The following REC114 variants were observed in gnomAD, a reference collection of about 807,000 sequenced individuals.
REC114 encodes meiotic recombination protein REC114.
REC114 carries 27 observed loss-of-function variants against 31.3 expected under a neutral mutation model. The ratio of observed to expected loss-of-function variants is 0.86; its 90% CI spans 0.64 to 1.19. The LOEUF is 1.19. REC114 is among the 50% of genes most tolerant of loss of function. The probability of loss-of-function intolerance (pLI) is 0.00; values close to 1 mark genes in which losing one functional copy is unlikely to be tolerated. For synonymous variants in REC114, 134 were observed against 127.7 expected, an observed-to-expected ratio of 1.05 and a Z score of -0.33; for missense variants, 344 against 326.9, an observed-to-expected ratio of 1.05 and a Z score of -0.40.
intron 2 of REC114, among the ~76,000 whole-genome samples, chr15:73,514,433 C>A (rs753907123): frequency 5.3e-5 from 8 of 151,992 alleles, no homozygotes; most frequent in Non-Finnish European, 7.4e-5. Context: ...AGCTGTAGAC[C>A]GGAGCTGTTC....
At chr15:73,543,517 C>T (rs539812950) in intron 3 of REC114, among the ~76,000 whole-genome samples, 14 of 152,068 alleles carry the variant, frequency 9.2e-5, no homozygotes, top group South Asian at 2.1e-4. Context: ...TTAGGAGAGA[C>T]GGGGTTTCTC....
At chr15:73,538,678 G>A (rs1034573438) in intron 2 of REC114, among the ~76,000 whole-genome samples, 8 of 151,782 alleles carry the variant, frequency 5.3e-5, no homozygotes, top group Non-Finnish European at 1.0e-4. Context: ...AGATGGTCTC[G>A]ATCTCTGACC....
At chr15:73,514,611 A>G (rs913745468) in intron 2 of REC114, among the ~76,000 whole-genome samples, 20 of 152,232 alleles carry the variant, frequency 1.3e-4, no homozygotes, top group Non-Finnish European at 2.9e-4. Flanking sequence ...GGAAGTATTC[A>G]TAATGGGCAA....
Position 73,556,301 on chromosome 15 carries a change from G to C in REC114, c.547-1G>C, listed in dbSNP as rs1220561098. 6.2e-7 allele frequency: 1 copy of C among 1,612,734 alleles called. No homozygotes were observed. Among genetic ancestry groups the C allele is most frequent in the Admixed American group, 1.7e-5 (1 of 59,796 alleles). ...CCTTATTGCATGTTGTTTTATTCCAGTCCCACCAGCACTCAGAACAACAGC... is the reference window on the plus strand; with the variant it reads ...CCTTATTGCATGTTGTTTTATTCCACTCCCACCAGCACTCAGAACAACAGC... On this transcript the variant is annotated splice_acceptor_variant, in intron 4 of 5. Transcript: ENST00000331090. LOFTEE classifies it high-confidence loss of function.
chr15:73,476,190 T>C (rs1387421555), intron 2 of REC114, among the ~76,000 whole-genome samples: 1 of 152,250 alleles, frequency 6.6e-6, no homozygotes, highest in Non-Finnish European at 1.5e-5. Flanking sequence ...TATACATATA[T>C]AACTTAAATA....
intron 2 of REC114, among the ~76,000 whole-genome samples, chr15:73,513,872 T>G (rs1255300979): frequency 6.6e-6 from 1 of 151,896 alleles, no homozygotes; most frequent in Non-Finnish European, 1.5e-5. Flanking sequence ...GACATTTAAG[T>G]CTGCAGAGGT....
chr15:73,454,618 A>G (rs1892892572), intron 1 of REC114, among the ~76,000 whole-genome samples: 2 of 152,220 alleles, frequency 1.3e-5, no homozygotes, highest in Admixed American at 6.5e-5. Flanking sequence ...GAAACCCTGT[A>G]TCCTGAGAAA....
chr15:73,447,839 G>C (rs913333281), intron 1 of REC114, among the ~76,000 whole-genome samples: 18 of 152,106 alleles, frequency 1.2e-4, no homozygotes, highest in Non-Finnish European at 2.2e-4. Context: ...CAGGCCATGG[G>C]GGGTGAGCCG....
chr15:73,532,038 G>A (rs1566946493), intron 2 of REC114, among the ~76,000 whole-genome samples: 2 of 147,776 alleles, frequency 1.4e-5, no homozygotes, highest in African/African-American at 5.0e-5. Context: ...CATTGTGCAG[G>A]TTAGTTACAT....
At chr15:73,464,401 C>G (rs1893028099) in intron 1 of REC114, among the ~76,000 whole-genome samples, 1 of 152,030 alleles carries the variant, frequency 6.6e-6, no homozygotes, top group Non-Finnish European at 1.5e-5. Flanking sequence ...TCAGTCTCCT[C>G]TAGCAGCTTG....
intron 2 of REC114, among the ~76,000 whole-genome samples, chr15:73,508,669 C>A (rs890436795): frequency 1.4e-5 from 2 of 142,392 alleles, no homozygotes; most frequent in Admixed American, 7.3e-5. Flanking sequence ...TGTTCAATTC[C>A]CACCTATGAG....
chr15:73,496,967 G>A (rs1330000135), intron 2 of REC114, among the ~76,000 whole-genome samples: 2 of 150,396 alleles, frequency 1.3e-5, no homozygotes, highest in East Asian at 3.9e-4. Flanking sequence ...CTTTTGAAGA[G>A]TACTAGCCAG....
chr15:73,468,183 G>A (rs564497239), intron 1 of REC114, among the ~76,000 whole-genome samples: 2 of 152,246 alleles, frequency 1.3e-5, no homozygotes, highest in East Asian at 1.9e-4. Context: ...TAGGGGGACC[G>A]TTGTTCTGCC....
intron 2 of REC114, among the ~76,000 whole-genome samples, chr15:73,510,050 A>C (rs1330375761): frequency 6.6e-6 from 1 of 151,882 alleles, no homozygotes; most frequent in Non-Finnish European, 1.5e-5. Flanking sequence ...CCATTTTCAC[A>C]ATATTGATTC....
chr15:73,472,879 A>C (rs1567858084), intron 1 of REC114, among the ~76,000 whole-genome samples: 1 of 152,204 alleles, frequency 6.6e-6, no homozygotes, highest in Non-Finnish European at 1.5e-5. Flanking sequence ...CAACATAGGT[A>C]ATGAAGTGTC....
chr15:73,532,715 A>G (rs1349624992), intron 2 of REC114, among the ~76,000 whole-genome samples: 2 of 152,224 alleles, frequency 1.3e-5, no homozygotes, highest in South Asian at 2.1e-4. Flanking sequence ...GAGAAGAGCA[A>G]CTCCAAGGCA....
At chr15:73,466,754 T>C (rs1014627612) in intron 1 of REC114, among the ~76,000 whole-genome samples, 1 of 152,230 alleles carries the variant, frequency 6.6e-6, no homozygotes, top group Non-Finnish European at 1.5e-5. Context: ...AATTTGCACT[T>C]ATTAAATAAG....
intron 3 of REC114, among the ~76,000 whole-genome samples, chr15:73,542,159 C>T (rs1234535160): frequency 2.0e-5 from 3 of 151,656 alleles, no homozygotes; most frequent in Non-Finnish European, 4.4e-5. Context: ...GATGAAACCC[C>T]ATCTTTTTTA....
At chr15:73,513,501 T>C (rs1893807485) in intron 2 of REC114, among the ~76,000 whole-genome samples, 8 of 149,346 alleles carry the variant, frequency 5.4e-5, no homozygotes, top group Admixed American at 4.6e-4. Context: ...ACTGCGTTCC[T>C]TTGGAGGAGG....
Sources: allele counts gnomAD v4.1 joint callset (sites outside exome capture counted in the v4.1 genomes callset), GRCh38; gene constraint gnomAD v4.1.1; transcripts MANE v1.5; gene names NCBI Gene and HGNC (gene_info 2026-07-23, HGNC 2026-07-21).